The following PTPRK variants were observed in gnomAD, a reference collection of about 807,000 sequenced individuals.
The protein encoded by PTPRK is protein tyrosine phosphatase receptor type K.
A neutral mutation model predicts 178.0 loss-of-function variants in PTPRK; 75 were observed. The observed-to-expected ratio is 0.42, with a 90% CI of 0.35 to 0.51. The LOEUF (loss-of-function observed/expected upper bound fraction) is 0.51. PTPRK is among the 20% of genes least tolerant of loss of function. The probability of loss-of-function intolerance (pLI) is 0.02; values close to 1 mark genes in which losing one functional copy is unlikely to be tolerated. For synonymous variants in PTPRK, 637 were observed against 620.6 expected (o/e 1.03, Z -0.39); for missense variants, 1,441 against 1,797.8 (o/e 0.80, Z 3.59).
At chr6:128,501,793 T>C (rs1423277290) in intron 1 of PTPRK, among the ~76,000 whole-genome samples, 2 of 152,216 alleles carry the variant, frequency 1.3e-5, no homozygotes, top group African/African-American at 2.4e-5. Context: ...AAGTAACTGA[T>C]AATTCAGTAG....
At chr6:128,045,582 T>A (rs1273874390) in intron 13 of PTPRK, among the ~76,000 whole-genome samples, 2 of 151,932 alleles carry the variant, frequency 1.3e-5, no homozygotes, top group Admixed American at 6.6e-5. Flanking sequence ...AAATGACCAC[T>A]CCACATTGTT....
At chr6:128,078,154 G>C (rs534335160) in intron 11 of PTPRK, among the ~76,000 whole-genome samples, 3 of 152,082 alleles carry the variant, frequency 2.0e-5, no homozygotes, top group East Asian at 3.9e-4. Context: ...AATGGGACTA[G>C]AGGGGGGAAA....
intron 7 of PTPRK, among the ~76,000 whole-genome samples, chr6:128,097,376 C>G (rs1382765592): frequency 1.3e-5 from 2 of 152,182 alleles, no homozygotes; most frequent in African/African-American, 4.8e-5. Flanking sequence ...GCTCTCAACA[C>G]TCTTACTGAA....
chr6:127,994,585 C>T (rs991315728), intron 18 of PTPRK, among the ~76,000 whole-genome samples: 2 of 151,684 alleles, frequency 1.3e-5, no homozygotes, highest in African/African-American at 4.8e-5. Context: ...TGATTATGAA[C>T]CAGGTCTTCC....
intron 3 of PTPRK, among the ~76,000 whole-genome samples, chr6:128,309,394 T>C (rs1175663059): frequency 6.6e-6 from 1 of 152,080 alleles, no homozygotes; most frequent in African/African-American, 2.4e-5. Context: ...TGGGGGAGCC[T>C]AGAGTCCAGG....
At chr6:128,463,757 T>G (rs904018718) in intron 1 of PTPRK, among the ~76,000 whole-genome samples, 5 of 141,720 alleles carry the variant, frequency 3.5e-5, no homozygotes, top group African/African-American at 1.3e-4. Context: ...TTTTTTTTTT[T>G]TTTTTTTTTT....
At chr6:128,376,306 C>T (rs1837065023) in intron 2 of PTPRK, among the ~76,000 whole-genome samples, 1 of 152,154 alleles carries the variant, frequency 6.6e-6, no homozygotes, top group Non-Finnish European at 1.5e-5. Flanking sequence ...AACTTTAACT[C>T]TTGACTTTCA....
intron 21 of PTPRK, 24 bp downstream of exon 21, chr6:127,990,744 TA>T (rs1776514808): frequency 2.7e-6 from 4 of 1,488,308 alleles, no homozygotes; most frequent in Non-Finnish European, 3.7e-6. Context: ...TATCACTTTT[TA>T]AAATAGAATT....
At chr6:128,285,661 T>C (rs1245888504) in intron 3 of PTPRK, among the ~76,000 whole-genome samples, 1 of 151,826 alleles carries the variant, frequency 6.6e-6, no homozygotes, top group East Asian at 1.9e-4. Flanking sequence ...AAAAATTAGC[T>C]GAGCATGGTG....
At chr6:128,446,135 T>C (rs1846993285) in intron 1 of PTPRK, among the ~76,000 whole-genome samples, 1 of 152,212 alleles carries the variant, frequency 6.6e-6, no homozygotes, top group Non-Finnish European at 1.5e-5. Flanking sequence ...TGTTCTCAGA[T>C]GTCTGGCTGG....
chr6:128,081,870 A>G (rs1333932926), intron 10 of PTPRK, among the ~76,000 whole-genome samples: 1 of 152,066 alleles, frequency 6.6e-6, no homozygotes, highest in Admixed American at 6.6e-5. Context: ...AAACTGTGCA[A>G]CTGTGACTAC....
rs1014224051 is a variant in PTPRK at position 128,437,831 on chromosome 6, T to A, written c.101-40143A>T. ...CTATGAGGAGTGTGAATATGTGGAA[T>A]TGAAACAGCTCCCACCTTCGGCCAG... On this transcript the variant is annotated intron_variant, in intron 1 of 29. Transcript: ENST00000368226. Among the ~76,000 whole-genome samples the A allele has an allele frequency of 1.3e-5, 2 of 151,582 alleles. 1 individual carries two copies. Among genetic ancestry groups the A allele is most frequent in the South Asian group, 4.1e-4 (2 of 4,828 alleles).
chr6:128,198,646 C>G (rs1424039398), intron 6 of PTPRK, among the ~76,000 whole-genome samples: 1 of 152,114 alleles, frequency 6.6e-6, no homozygotes, highest in Non-Finnish European at 1.5e-5. Flanking sequence ...CCACCTTTAT[C>G]CTATACTTCC....
chr6:128,302,394 A>G (rs1045717970), intron 3 of PTPRK, among the ~76,000 whole-genome samples: 1 of 132,306 alleles, frequency 7.6e-6, no homozygotes, highest in African/African-American at 3.9e-5. Context: ...TCAATTCCAA[A>G]AAAAAAAAAA....
intron 24 of PTPRK, 102 bp from the exon 25 acceptor site, chr6:127,981,391 T>C (rs1775323732): frequency 7.4e-4 from 640 of 867,996 alleles, no homozygotes; most frequent in Non-Finnish European, 1.0e-3. Flanking sequence ...AAGTGAAGGA[T>C]TTGTGCGAGG....
Position 128,204,831 on chromosome 6 carries a change from C to G in PTPRK, c.868+14091G>C, listed in dbSNP as rs180697419. On this transcript the variant is annotated intron_variant, in intron 6 of 29. Coordinates refer to ENST00000368226, the MANE Select transcript of PTPRK (RefSeq NM_002844.4). ...TAAACTGTTGGAATGTAAATTAGCT[C>G]AACCCTTGCGGAAGACAGTGTGGCA... Among the ~76,000 whole-genome samples the G allele has an allele frequency of 2.1e-3, 325 of 152,230 alleles. 1 individual carries two copies. The highest frequency in any genetic ancestry group is 6.4e-3 in the Admixed American group (98 of 15,282).
At chr6:128,196,396 TTAA>T (rs1160279141) in intron 6 of PTPRK, among the ~76,000 whole-genome samples, 1 of 152,010 alleles carries the variant, frequency 6.6e-6, no homozygotes, top group East Asian at 1.9e-4. Flanking sequence ...AAATAACAAG[TTAA>T]TAATATTTTT....
intron 2 of PTPRK, among the ~76,000 whole-genome samples, chr6:128,371,808 C>T (rs947085238): frequency 1.3e-4 from 20 of 151,270 alleles, no homozygotes; most frequent in African/African-American, 4.6e-4. Flanking sequence ...CCTGGGAGGT[C>T]GAGGCTGCAG....
chr6:128,224,717 T>C (rs1259584621), intron 5 of PTPRK, among the ~76,000 whole-genome samples: 1 of 152,202 alleles, frequency 6.6e-6, no homozygotes, highest in Non-Finnish European at 1.5e-5. Context: ...GGAGATATGA[T>C]AGGAATTGGT....
Sources: allele counts gnomAD v4.1 joint callset (sites outside exome capture counted in the v4.1 genomes callset), GRCh38; gene constraint gnomAD v4.1.1; transcripts MANE v1.5; gene names NCBI Gene and HGNC (gene_info 2026-07-23, HGNC 2026-07-21).